Variants in BTAF1 observed in about 807,000 individuals in gnomAD.
BTAF1 encodes the protein B-TFIID TATA-box binding protein associated factor 1.
Under a neutral mutation model 227.1 loss-of-function variants are expected in BTAF1, and 38 were observed. The observed-to-expected ratio is 0.17, with a 90% confidence interval of 0.13 to 0.22. The LOEUF (loss-of-function observed/expected upper bound fraction) is 0.22, where lower values mean the gene tolerates loss of function less well. Among genes scored for constraint, BTAF1 ranks in the 10% least tolerant of loss-of-function variants. BTAF1 has a pLI of 1.00. For missense variants in BTAF1, 1,598 were observed against 2,204.0 expected, an observed-to-expected ratio of 0.73 and a Z score of 5.51; for synonymous variants, 742 against 751.9, an observed-to-expected ratio of 0.99 and a Z score of 0.21.
At chr10:91,967,478 A>T (rs1050574165) in intron 14 of BTAF1, among the ~76,000 whole-genome samples, 2 of 152,204 alleles carry the variant, frequency 1.3e-5, no homozygotes, top group Non-Finnish European at 2.9e-5. Flanking sequence ...ATCATTTTTT[A>T]AAAATAGTGA....
rs186027060 is a variant in BTAF1 at position 91,928,383 on chromosome 10, A to G, written c.14+4293A>G. Among the ~76,000 whole-genome samples, 3 of 152,334 alleles carry G rather than the reference A, an allele frequency of 2.0e-5. No homozygotes were observed. In the East Asian group the frequency reaches 5.8e-4, roughly 29 times the overall value. ...GCATTTGAAGTTCTCTGTCAAATCC[A>G]GTGAAATATCACTGGAAAATGATAT... On this transcript the variant is annotated intron_variant, in intron 1 of 37. Transcript: ENST00000265990.
intron 4 of BTAF1, among the ~76,000 whole-genome samples, chr10:91,944,785 C>G (rs1333694927): frequency 1.3e-5 from 2 of 152,174 alleles, no homozygotes; most frequent in Non-Finnish European, 2.9e-5. Context: ...TTTGCTTATT[C>G]TCAACATTTT....
rs189841810 is a variant in BTAF1 at position 92,027,773 on chromosome 10, C to G, written c.5406+473C>G. Among the ~76,000 whole-genome samples, 250 of 152,168 alleles carry G rather than the reference C, an allele frequency of 1.6e-3. 1 individual carries two copies. The highest frequency in any genetic ancestry group is 2.4e-3 in the Non-Finnish European group (164 of 68,006). On this transcript the variant is annotated intron_variant, in intron 37 of 37. Transcript: ENST00000265990. The stretch of plus-strand genomic sequence containing the variant: ...ATTGCAGATGATGGAACTAATACAT[C>G]AGATAACAATCTATAATCAAAAGGA...
At chr10:91,964,471 T>C (rs991451195) in intron 13 of BTAF1, among the ~76,000 whole-genome samples, 2 of 152,150 alleles carry the variant, frequency 1.3e-5, no homozygotes, top group African/African-American at 2.4e-5. Context: ...CTTAGAAATA[T>C]AATCATTGAA....
intron 1 of BTAF1, among the ~76,000 whole-genome samples, chr10:91,935,367 T>A (rs1844538883): frequency 6.6e-6 from 1 of 152,160 alleles, no homozygotes; most frequent in Admixed American, 6.5e-5. Flanking sequence ...AATAGACGGT[T>A]AACCAGCCTC....
chr10:91,965,362 C>G (rs184291635), intron 13 of BTAF1, among the ~76,000 whole-genome samples: 34 of 152,192 alleles, frequency 2.2e-4, no homozygotes, highest in Admixed American at 1.6e-3. Context: ...GTGAGCCAGT[C>G]TGTCTGTCAA....
intron 1 of BTAF1, among the ~76,000 whole-genome samples, chr10:91,925,415 T>C (rs1843756864): frequency 6.6e-6 from 1 of 152,178 alleles, no homozygotes; most frequent in Admixed American, 6.5e-5. Context: ...AGTACTTCTT[T>C]TCTTAGAGCA....
intron 25 of BTAF1, among the ~76,000 whole-genome samples, chr10:91,999,647 C>T (rs1345315348): frequency 6.6e-6 from 1 of 152,188 alleles, no homozygotes; most frequent in Non-Finnish European, 1.5e-5. Flanking sequence ...CCCGCCTTGG[C>T]CTCCCAAAGT....
chr10:92,019,074 T>C (rs1409804147), intron 34 of BTAF1, 139 bp downstream of exon 34: 9 of 880,696 alleles, frequency 1.0e-5, no homozygotes, highest in Non-Finnish European at 1.3e-5. Flanking sequence ...CAGCTTTTTG[T>C]AAAAATGTGG....
chr10:91,929,125 T>C (rs750013825), intron 1 of BTAF1, among the ~76,000 whole-genome samples: 1 of 152,146 alleles, frequency 6.6e-6, no homozygotes, highest in Non-Finnish European at 1.5e-5. Context: ...GGTTTATTCA[T>C]TGGTGGGGAA....
chr10:92,020,089 A>G (rs926416451), intron 34 of BTAF1, among the ~76,000 whole-genome samples: 1 of 142,430 alleles, frequency 7.0e-6, no homozygotes, highest in African/African-American at 2.5e-5. Context: ...ATTTTCTCCC[A>G]TTCTATAGGT....
chr10:91,959,754 AT>A (rs1052106862), intron 9 of BTAF1, 30 bp from the exon 10 acceptor site: 2 of 473,134 alleles, frequency 4.2e-6, no homozygotes, highest in African/African-American at 4.3e-5. Context: ...ATATATATAT[AT>A]ATATATATAT....
At chr10:91,958,484 T>C (rs745773075) in intron 8 of BTAF1, among the ~76,000 whole-genome samples, 2 of 151,866 alleles carry the variant, frequency 1.3e-5, no homozygotes, top group Non-Finnish European at 2.9e-5. Context: ...GACAGATCGC[T>C]TCAGGTCAGG....
chr10:92,007,210 CTTTTTTTTTTTT>C (rs969389265), intron 25 of BTAF1, among the ~76,000 whole-genome samples: 2 of 61,268 alleles, frequency 3.3e-5, no homozygotes, highest in African/African-American at 6.1e-5. Flanking sequence ...TATTTTTTGT[CTTTTTTTTTTTT>C]TTTTTTTTTT....
intron 9 of BTAF1, chr10:91,959,404 A>G (rs182857810): frequency 3.2e-6 from 2 of 617,694 alleles, no homozygotes; most frequent in East Asian, 4.3e-5. Flanking sequence ...TAATAGATAT[A>G]TGACCGGTGT....
At chr10:92,020,991 G>C (rs1851081465) in intron 34 of BTAF1, among the ~76,000 whole-genome samples, 1 of 152,076 alleles carries the variant, frequency 6.6e-6, no homozygotes, top group Admixed American at 6.6e-5. Context: ...AAGAGGCCCA[G>C]ATTTTTTCTG....
intron 14 of BTAF1, among the ~76,000 whole-genome samples, chr10:91,978,308 T>G (rs1244403236): frequency 6.6e-6 from 1 of 152,184 alleles, no homozygotes; most frequent in Non-Finnish European, 1.5e-5. Flanking sequence ...TCTATAGATG[T>G]GACTTTTGGG....
At chr10:91,987,943 T>C (rs575353074) in intron 19 of BTAF1, among the ~76,000 whole-genome samples, 1 of 152,324 alleles carries the variant, frequency 6.6e-6, no homozygotes, top group South Asian at 2.1e-4. Context: ...TTTTTCTGTG[T>C]GTTGTGCTCA....
At chr10:91,932,725 A>G (rs994111781) in intron 1 of BTAF1, among the ~76,000 whole-genome samples, 12 of 152,264 alleles carry the variant, frequency 7.9e-5, no homozygotes, top group Admixed American at 1.3e-4. Context: ...TCTGTTGCAT[A>G]GTAGTTTGAA....
Sources: allele counts gnomAD v4.1 joint callset (sites outside exome capture counted in the v4.1 genomes callset), GRCh38; gene constraint gnomAD v4.1.1; transcripts MANE v1.5; gene names NCBI Gene and HGNC (gene_info 2026-07-23, HGNC 2026-07-21).